Variants in CFAP299 observed in about 807,000 individuals in gnomAD.
The protein encoded by CFAP299 is cilia and flagella associated protein 299.
A neutral mutation model predicts 27.0 loss-of-function variants in CFAP299; 21 were observed. The ratio of observed to expected loss-of-function variants is 0.78; its 90% confidence interval spans 0.55 to 1.12. The LOEUF (loss-of-function observed/expected upper bound fraction) is 1.12. Ranked by LOEUF, CFAP299 falls within the 50% of genes most tolerant of loss-of-function variation. The pLI, the probability that CFAP299 is intolerant of heterozygous loss-of-function variation, is 0.00. For synonymous variants in CFAP299, 104 were observed against 98.1 expected, an observed-to-expected ratio of 1.06 and a Z score of -0.36; for missense variants, 310 against 276.6, an observed-to-expected ratio of 1.12 and a Z score of -0.86.
intron 3 of CFAP299, among the ~76,000 whole-genome samples, chr4:80,634,477 TTA>T (rs10589874): frequency 0.93 from 140,962 of 151,868 alleles, 65,505 homozygotes; most frequent in East Asian, 1. Flanking sequence ...TGTCATTTCA[TTA>T]TATATATATA....
At chr4:80,459,348 G>A (rs1271740477) in intron 2 of CFAP299, among the ~76,000 whole-genome samples, 1 of 152,132 alleles carries the variant, frequency 6.6e-6, no homozygotes, top group East Asian at 1.9e-4. Context: ...CATGCAGACA[G>A]CCCACCCCAA....
intron 3 of CFAP299, among the ~76,000 whole-genome samples, chr4:80,811,125 ATTAAT>A: frequency 6.6e-6 from 1 of 152,126 alleles, no homozygotes; most frequent in East Asian, 1.9e-4. Flanking sequence ...ATTATGAATA[ATTAAT>A]TTAAATCACA....
chr4:80,598,859 C>G (rs780408131), intron 3 of CFAP299, among the ~76,000 whole-genome samples: 28 of 152,322 alleles, frequency 1.8e-4, no homozygotes, highest in Middle Eastern at 3.4e-3. Context: ...ACACCTTTCT[C>G]TGAATCCCCA....
chr4:80,847,220 G>T (rs1271824742), intron 3 of CFAP299, among the ~76,000 whole-genome samples: 3 of 152,192 alleles, frequency 2.0e-5, no homozygotes, highest in East Asian at 3.8e-4. Context: ...CAGGAAGGCT[G>T]CTTCCATTAA....
At chr4:80,724,454 A>AATC (rs1723029320) in intron 3 of CFAP299, among the ~76,000 whole-genome samples, 3 of 152,120 alleles carry the variant, frequency 2.0e-5, no homozygotes, top group Admixed American at 1.3e-4. Context: ...AAAAATGAGT[A>AATC]ATTTTTTAAA....
At chr4:80,960,028 G>A (rs545905269) in intron 5 of CFAP299, among the ~76,000 whole-genome samples, 20 of 151,460 alleles carry the variant, frequency 1.3e-4, no homozygotes, top group Non-Finnish European at 3.0e-5. Flanking sequence ...AATCAGGGAT[G>A]TAACAAATTC....
At chr4:80,403,889 T>C (rs1560551198) in intron 2 of CFAP299, among the ~76,000 whole-genome samples, 2 of 152,208 alleles carry the variant, frequency 1.3e-5, no homozygotes, top group Non-Finnish European at 2.9e-5. Context: ...CACTTTTTGA[T>C]TTAAGACTTG....
intron 2 of CFAP299, among the ~76,000 whole-genome samples, chr4:80,379,032 T>C (rs550869954): frequency 1.1e-3 from 175 of 152,240 alleles, no homozygotes; most frequent in African/African-American, 3.9e-3. Flanking sequence ...TCTTCCTTAA[T>C]TGATTGGTAG....
chr4:80,700,347 T>G (rs1721396827), intron 3 of CFAP299, among the ~76,000 whole-genome samples: 1 of 152,160 alleles, frequency 6.6e-6, no homozygotes, highest in Admixed American at 6.6e-5. Context: ...TAATAAACAT[T>G]TAGTAAGTTT....
intron 3 of CFAP299, among the ~76,000 whole-genome samples, chr4:80,733,537 A>T (rs564797445): frequency 6.6e-6 from 1 of 152,202 alleles, no homozygotes; most frequent in South Asian, 2.1e-4. Flanking sequence ...TTGTGCTATC[A>T]AATACTAGGT....
At chr4:80,692,540 C>A (rs374522606) in intron 3 of CFAP299, among the ~76,000 whole-genome samples, 1 of 152,058 alleles carries the variant, frequency 6.6e-6, no homozygotes, top group Admixed American at 6.6e-5. Flanking sequence ...ATACAAAAAT[C>A]AATTCAAGAT....
At chr4:80,912,228 T>G (rs1389374693) in intron 4 of CFAP299, among the ~76,000 whole-genome samples, 4 of 152,178 alleles carry the variant, frequency 2.6e-5, no homozygotes, top group Non-Finnish European at 5.9e-5. Flanking sequence ...ATATAGTGCC[T>G]CTTCAAGATC....
At chr4:80,663,235 T>C (rs1477726740) in intron 3 of CFAP299, among the ~76,000 whole-genome samples, 3 of 152,152 alleles carry the variant, frequency 2.0e-5, no homozygotes, top group African/African-American at 7.2e-5. Context: ...GATGCACCCA[T>C]CAACCCATCA....
intron 2 of CFAP299, among the ~76,000 whole-genome samples, chr4:80,416,468 T>G (rs1045080199): frequency 6.6e-6 from 1 of 152,214 alleles, no homozygotes; most frequent in African/African-American, 2.4e-5. Flanking sequence ...TACACAATTT[T>G]ACCGTAAGTG....
chr4:80,658,780 A>G (rs1484745191), intron 3 of CFAP299, among the ~76,000 whole-genome samples: 1 of 152,148 alleles, frequency 6.6e-6, no homozygotes, highest in East Asian at 1.9e-4. Context: ...GTAGCATACT[A>G]TCCACTTATA....
chr4:80,625,273 CTGTGTGTGTA>C (rs779567344), intron 3 of CFAP299, among the ~76,000 whole-genome samples: 2 of 151,604 alleles, frequency 1.3e-5, no homozygotes, highest in South Asian at 2.1e-4. Flanking sequence ...GATGGTGTGT[CTGTGTGTGTA>C]TGTGTGTGTA....
At chr4:80,622,419 A>G (rs1287377361) in intron 3 of CFAP299, among the ~76,000 whole-genome samples, 2 of 152,208 alleles carry the variant, frequency 1.3e-5, no homozygotes, top group Non-Finnish European at 2.9e-5. Context: ...AGTTAGATCC[A>G]CAGAATATTG....
intron 2 of CFAP299, among the ~76,000 whole-genome samples, chr4:80,560,697 T>C (rs2110220876): frequency 6.6e-6 from 1 of 152,240 alleles, no homozygotes; most frequent in East Asian, 1.9e-4. Context: ...GGGCCTGGCC[T>C]GTTGGTGGCT....
chr4:80,889,991 A>G (rs1005880448), intron 4 of CFAP299, among the ~76,000 whole-genome samples: 15 of 152,152 alleles, frequency 9.9e-5, no homozygotes, highest in Non-Finnish European at 8.8e-5. Context: ...AATAAAACCC[A>G]TATATGTCAG....
Sources: allele counts gnomAD v4.1 joint callset (sites outside exome capture counted in the v4.1 genomes callset), GRCh38; gene constraint gnomAD v4.1.1; transcripts MANE v1.5; gene names NCBI Gene and HGNC (gene_info 2026-07-23, HGNC 2026-07-21).